TRPM3: variants seen among roughly 807,000 people sequenced by gnomAD.
The protein encoded by TRPM3 is transient receptor potential cation channel subfamily M member 3.
In TRPM3, 77 loss-of-function variants were observed where a neutral mutation model predicts 181.2. The ratio of observed to expected loss-of-function variants is 0.42; its 90% CI spans 0.35 to 0.51. The LOEUF (loss-of-function observed/expected upper bound fraction) is 0.51. Ranked by LOEUF, TRPM3 falls within the 20% of genes least tolerant of loss-of-function variation. The pLI is 0.01. For missense variants in TRPM3, 1,759 were observed against 2,196.7 expected (o/e 0.80, Z 3.98); for synonymous variants, 745 against 796.4 (o/e 0.94, Z 1.09).
upstream of TRPM3, among the ~76,000 whole-genome samples, chr9:71,125,276 A>G (rs760593904): frequency 2.2e-4 from 34 of 152,150 alleles, no homozygotes; most frequent in Non-Finnish European, 4.0e-4. Context: ...AATGTGTGCC[A>G]TGGTGGTTTT....
intron 1 of TRPM3, among the ~76,000 whole-genome samples, chr9:71,102,788 A>G (rs1356012209): frequency 6.6e-6 from 1 of 152,092 alleles, no homozygotes; most frequent in Non-Finnish European, 1.5e-5. Context: ...ATTCATGTCA[A>G]TTTCCTCCCA....
chr9:70,839,769 T>G (rs1238436576), intron 5 of TRPM3, among the ~76,000 whole-genome samples: 1 of 152,160 alleles, frequency 6.6e-6, no homozygotes, highest in East Asian at 1.9e-4. Context: ...GCTATTCTAT[T>G]TTTTCAAATG....
chr9:71,352,322 C>T (rs1366729900), intron 1 of TRPM3, among the ~76,000 whole-genome samples: 1 of 152,126 alleles, frequency 6.6e-6, no homozygotes, highest in Non-Finnish European at 1.5e-5. Flanking sequence ...TAATTTCTCC[C>T]ATGAGTATTC....
At chr9:71,046,367 A>C (rs954582956) in intron 1 of TRPM3, among the ~76,000 whole-genome samples, 1 of 152,198 alleles carries the variant, frequency 6.6e-6, no homozygotes, top group Non-Finnish European at 1.5e-5. Context: ...TCATGCTGGG[A>C]AACATCGCAT....
In TRPM3 at chr9:71,252,870, A is replaced by G. The variant is rs374797169; in HGVS notation, c.183+193783T>C. 6.2e-4 allele frequency among the ~76,000 whole-genome samples: 14 copies of G among 22,414 alleles called. No homozygotes were observed. In the East Asian group the frequency reaches 0.015, roughly 24 times the overall value. The allele number at this position is 22,414 out of a possible 152,430, so 14.7% of individuals were successfully genotyped here. A position where few individuals can be genotyped will look rare whatever the true frequency, so the allele number is the denominator to read the frequency against. The stretch of plus-strand genomic sequence containing the variant: ...CTCTTTTTTTTTTTTTTTTTTTTTT[A>G]GAAGTGCAGTCTTTCAATGTTGCCC... On this transcript the variant is annotated intron_variant, in intron 1 of 24. Transcript: ENST00000357533.
At chr9:71,345,246 GC>G (rs2091221949) in intron 1 of TRPM3, among the ~76,000 whole-genome samples, 1 of 152,068 alleles carries the variant, frequency 6.6e-6, no homozygotes, top group East Asian at 1.9e-4. Context: ...CTGGGTATAT[GC>G]CCAAAGGATT....
At chr9:70,643,341 C>A (rs2058352612) in intron 9 of TRPM3, among the ~76,000 whole-genome samples, 2 of 152,152 alleles carry the variant, frequency 1.3e-5, no homozygotes, top group Admixed American at 6.5e-5. Flanking sequence ...TTAATCATTC[C>A]CTTTGCCATT....
intron 3 of TRPM3, among the ~76,000 whole-genome samples, chr9:70,846,992 C>A (rs2094988601): frequency 6.6e-6 from 1 of 152,010 alleles, no homozygotes; most frequent in African/African-American, 2.4e-5. Context: ...TTCTGTGACC[C>A]TATTATTTTA....
At chr9:70,904,668 T>C (rs146898294) in intron 1 of TRPM3, among the ~76,000 whole-genome samples, 45 of 152,282 alleles carry the variant, frequency 3.0e-4, no homozygotes, top group African/African-American at 9.4e-4. Flanking sequence ...AAGAGCTAAA[T>C]TGGGTTTGTT....
chr9:71,336,179 G>GAAA (rs796477216), intron 1 of TRPM3, among the ~76,000 whole-genome samples: 2 of 117,958 alleles, frequency 1.7e-5, no homozygotes, highest in African/African-American at 3.1e-5. Flanking sequence ...CAAACTGTCC[G>GAAA]AAAAAAAAAA....
intron 1 of TRPM3, among the ~76,000 whole-genome samples, chr9:71,446,027 C>T (rs1256509747): frequency 2.0e-5 from 3 of 152,184 alleles, no homozygotes; most frequent in Admixed American, 1.3e-4. Context: ...CACTGGAGTG[C>T]TTTTATTGCA....
At chr9:70,896,789 CAAT>C (rs1273450976) in intron 1 of TRPM3, among the ~76,000 whole-genome samples, 2 of 148,832 alleles carry the variant, frequency 1.3e-5, no homozygotes, top group African/African-American at 5.0e-5. Context: ...TAACAAATAA[CAAT>C]GATGAGATTT....
In TRPM3 at chr9:70,883,508, C is replaced by A. The variant is rs546433662; in HGVS notation, c.178-18997G>T. 2.6e-5 allele frequency among the ~76,000 whole-genome samples: 4 copies of A among 152,286 alleles called. No homozygotes were observed. The East Asian group carries it at 5.8e-4, about 22-fold the overall frequency. On this transcript the variant is annotated intron_variant, in intron 1 of 25. Coordinates refer to ENST00000677713, the MANE Select transcript of TRPM3 (RefSeq NM_001366145.2). ...GAAATGCTGTGTATAAGACAGAAAT[C>A]AAGTGGCCTATGAAAGACTGAGAGC... is the stretch of plus-strand genomic sequence containing the variant.
chr9:71,189,231 A>G (rs1459207686), intron 1 of TRPM3, among the ~76,000 whole-genome samples: 2 of 151,902 alleles, frequency 1.3e-5, no homozygotes, highest in Non-Finnish European at 2.9e-5. Flanking sequence ...ATTCTGCACA[A>G]GATCACCCAC....
At chr9:70,692,962 T>C (rs1450390211) in intron 8 of TRPM3, among the ~76,000 whole-genome samples, 1 of 152,236 alleles carries the variant, frequency 6.6e-6, no homozygotes, top group Non-Finnish European at 1.5e-5. Flanking sequence ...ATGATTGACA[T>C]ATCTTTCATC....
chr9:70,739,848 C>T (rs984200475), intron 8 of TRPM3, among the ~76,000 whole-genome samples: 1 of 152,054 alleles, frequency 6.6e-6, no homozygotes, highest in Admixed American at 6.6e-5. Flanking sequence ...GAACTACTGG[C>T]CTCAAGTGAT....
intron 1 of TRPM3, among the ~76,000 whole-genome samples, chr9:71,274,473 T>C (rs144870367): frequency 6.6e-6 from 1 of 152,294 alleles, no homozygotes; most frequent in African/African-American, 2.4e-5. Flanking sequence ...ATTACATTTA[T>C]ACAGACAGTT....
chr9:70,773,997 T>C (rs2080864405), intron 7 of TRPM3: 1 of 152,224 alleles, frequency 6.6e-6, no homozygotes, highest in Non-Finnish European at 1.5e-5. Flanking sequence ...GACTCCAAAT[T>C]CCTATCTTTG....
chr9:71,136,036 A>G (rs999826784), intron 1 of TRPM3, among the ~76,000 whole-genome samples: 4 of 152,244 alleles, frequency 2.6e-5, no homozygotes, highest in Non-Finnish European at 4.4e-5. Flanking sequence ...AATTTAATTC[A>G]ATCAATTCCT....
Sources: allele counts gnomAD v4.1 joint callset (sites outside exome capture counted in the v4.1 genomes callset), GRCh38; gene constraint gnomAD v4.1.1; transcripts MANE v1.5; gene names NCBI Gene and HGNC (gene_info 2026-07-23, HGNC 2026-07-21).